The following ZNF181 variants were observed in gnomAD, a reference collection of about 807,000 sequenced individuals.
The protein encoded by ZNF181 is zinc finger protein 181.
Under a neutral mutation model 11.9 loss-of-function variants are expected in ZNF181, and 8 were observed. The ratio of observed to expected loss-of-function variants is 0.67; its 90% CI spans 0.39 to 1.21. The LOEUF (loss-of-function observed/expected upper bound fraction) is 1.21. Among genes scored for constraint, ZNF181 ranks in the 50% most tolerant of loss-of-function variants. ZNF181 has a pLI of 0.01. For synonymous variants in ZNF181, 202 were observed against 221.1 expected, an observed-to-expected ratio of 0.91 and a Z score of 0.77; for missense variants, 542 against 670.9, an observed-to-expected ratio of 0.81 and a Z score of 2.12.
Position 34,741,159 on chromosome 19 carries a change from A to C in ZNF181, c.778A>C (p.Thr260Pro), listed in dbSNP as rs1307469762. 1 of 1,614,012 alleles carries C rather than the reference A, an allele frequency of 6.2e-7. No individual in the cohort carries two copies. Among genetic ancestry groups the C allele is most frequent in the East Asian group, 2.2e-5 (1 of 44,894 alleles). ...CCTCAATCGCCACTGGAGAATTCAT[A>C]CAGGAGAGAAGCCCTATGAATGTCG... is the stretch of plus-strand genomic sequence containing the variant. ...SILNRHWRIH[T>P]GEKPYECREC... The change falls in exon 4 of 4, where the codon ACA (threonine) becomes CCA (proline). Residue 260 changes from threonine to proline, a missense_variant. Thr to Pro is a conservative substitution (Grantham distance 38). Coordinates refer to ENST00000492450, the MANE Select transcript of ZNF181 (RefSeq NM_001029997.4).
chr19:34,742,945 A>C lies in ZNF181; in HGVS notation c.*848A>C, dbSNP rs1285926177. On this transcript the variant is annotated 3_prime_UTR_variant, in exon 4 of 4. Coordinates refer to ENST00000492450, the MANE Select transcript of ZNF181 (RefSeq NM_001029997.4). ...GCCTTAGCGTAGCCTTTAGTGGGAG[A>C]CTAGCAAACCTAGAGAAAAATGACC... 6.6e-6 allele frequency: 1 copy of C among 152,224 alleles called. No individual in the cohort carries two copies. Among genetic ancestry groups the C allele is most frequent in the Non-Finnish European group, 1.5e-5 (1 of 68,042 alleles). The allele number at this position is 152,224 out of a possible 1,614,324, so 9.4% of individuals were successfully genotyped here.
At chr19:34,737,858 A>T (rs568873751) in intron 1 of ZNF181, among the ~76,000 whole-genome samples, 3 of 152,180 alleles carry the variant, frequency 2.0e-5, no homozygotes, top group Non-Finnish European at 4.4e-5. Context: ...CGCTCCTATG[A>T]GAGTCTAATG....
At chr19:34,739,917 A>G (rs572918015) in intron 3 of ZNF181, among the ~76,000 whole-genome samples, 2 of 152,312 alleles carry the variant, frequency 1.3e-5, no homozygotes, top group East Asian at 1.9e-4. Flanking sequence ...TCTTAAATCT[A>G]CTTAAAGAAA....
At position 34,743,107 on chromosome 19, in the gene ZNF181, A is replaced by T. The variant is rs1044095660; in HGVS notation, c.*1010A>T. On this transcript the variant is annotated 3_prime_UTR_variant, in exon 4 of 4. Transcript: ENST00000492450. Reference sequence around the variant, plus strand: ...TATTACACAGCGATGGGATATAGGAATCCAGTAGTTCTGAGCTTTAGTGGT... The same window carrying T: ...TATTACACAGCGATGGGATATAGGATTCCAGTAGTTCTGAGCTTTAGTGGT... 5.3e-5 allele frequency: 8 copies of T among 152,202 alleles called. No individual in the cohort carries two copies. The highest frequency in any genetic ancestry group is 1.9e-4 in the African/African-American group (8 of 41,456). The allele number at this position is 152,202 out of a possible 1,614,324, so 9.4% of individuals were successfully genotyped here.
At chr19:34,739,011 T>G in intron 1 of ZNF181, 137 bp from the exon 2 acceptor site, 1 of 1,287,108 alleles carries the variant, frequency 7.8e-7, no homozygotes, top group Non-Finnish European at 1.1e-6. Flanking sequence ...ATTACTTAAC[T>G]GAGATCACAT....
Position 34,734,819 on chromosome 19 carries a change from C to T in ZNF181, c.-219C>T. 3 of 547,764 alleles carry T rather than the reference C, an allele frequency of 5.5e-6. No homozygotes were observed. Among genetic ancestry groups the T allele is most frequent in the South Asian group, 5.4e-5 (2 of 37,328 alleles). The allele number at this position is 547,764 out of a possible 1,614,324, so 33.9% of individuals were successfully genotyped here. ...GGTGGCACCTGGTAAATGGTTAGCC[C>T]TTGCGGAGAAACACCCTGTTAGTTC... On this transcript the variant is annotated 5_prime_UTR_variant, in exon 1 of 4. Coordinates refer to ENST00000492450, the MANE Select transcript of ZNF181 (RefSeq NM_001029997.4).
intron 2 of ZNF181, 46 bp downstream of exon 2, chr19:34,739,314 T>G: frequency 6.2e-7 from 1 of 1,607,286 alleles, no homozygotes; most frequent in Non-Finnish European, 8.5e-7. Context: ...ACCTTTCTTT[T>G]GCCACCCTGA....
intron 1 of ZNF181, among the ~76,000 whole-genome samples, chr19:34,737,542 T>C (rs2068905483): frequency 1.3e-5 from 2 of 152,256 alleles, no homozygotes; most frequent in Non-Finnish European, 2.9e-5. Flanking sequence ...AGTAATATTG[T>C]GAAATGAGTA....
intron 1 of ZNF181, among the ~76,000 whole-genome samples, 180 bp downstream of exon 1, chr19:34,735,226 G>A (rs1482216791): frequency 2.6e-5 from 4 of 152,180 alleles, no homozygotes; most frequent in Non-Finnish European, 5.9e-5. Flanking sequence ...TCCTCACCCA[G>A]TGTTCCTCTT....
rs1402151189 is a variant in ZNF181, at chr19:34,742,153, A to C, written c.*56A>C. The C allele has an allele frequency of 1.3e-6, 2 of 1,487,366 alleles. No individual in the cohort carries two copies. Among genetic ancestry groups the C allele is most frequent in the East Asian group, 4.5e-5 (2 of 43,974 alleles). 92.1% of individuals were successfully genotyped at this position (1,487,366 alleles called of 1,614,324 possible). The stretch of plus-strand genomic sequence containing the variant: ...TTCTCCCTTATTTAACATTAGAAAA[A>C]TTTATACTGGGGAAAGTCTTATGAA... On this transcript the variant is annotated 3_prime_UTR_variant, in exon 4 of 4. Coordinates refer to ENST00000492450, the MANE Select transcript of ZNF181 (RefSeq NM_001029997.4).
In ZNF181 at chr19:34,739,290, C is replaced by T. The variant is rs376274173; in HGVS notation, c.130+22C>T. On this transcript the variant is annotated intron_variant, in intron 2 of 3. Transcript: ENST00000492450. ...GTAGGTAAGGATATTACCCCTTCCACTCCAGTAGGGGACACCTTTCTTTTG... is the reference window on the plus strand; with the variant it reads ...GTAGGTAAGGATATTACCCCTTCCATTCCAGTAGGGGACACCTTTCTTTTG... 330 of 1,612,598 alleles carry T rather than the reference C, an allele frequency of 2.0e-4. 1 individual carries two copies. Among genetic ancestry groups the T allele is most frequent in the South Asian group, 6.6e-5 (6 of 90,980 alleles).
rs567774593 is a variant in ZNF181, at chr19:34,741,376, G to A, written c.995G>A (p.Arg332His). Reference sequence around the variant, plus strand: ...ATGAACTGTGGAAAGTCTTTTAGTCGTGTGTCCCATCTTATTGAACATCTA... The same window carrying A: ...ATGAACTGTGGAAAGTCTTTTAGTCATGTGTCCCATCTTATTGAACATCTA... The part of the protein sequence containing the change: ...ECMNCGKSFS[R>H]VSHLIEHLRI... The change falls in exon 4 of 4, where the codon CGT becomes CAT. Residue 332 changes from arginine (R) to histidine (H), a missense_variant. By Grantham distance (29) the Arg-to-His change is conservative. Transcript: ENST00000492450. The A allele has an allele frequency of 6.2e-6, 10 of 1,613,824 alleles. No homozygotes were observed. The highest frequency in any genetic ancestry group is 3.3e-5 in the Admixed American group (2 of 59,996).
chr19:34,743,983 T>G lies in ZNF181; in HGVS notation c.*1886T>G, dbSNP rs923373584. The G allele has an allele frequency of 1.3e-5, 2 of 152,218 alleles. No individual in the cohort carries two copies. Among genetic ancestry groups the G allele is most frequent in the African/African-American group, 4.8e-5 (2 of 41,452 alleles). 9.4% of individuals were successfully genotyped at this position (152,218 alleles called of 1,614,324 possible). A position where few individuals can be genotyped will look rare whatever the true frequency, so the allele number is the denominator to read the frequency against. On this transcript the variant is annotated 3_prime_UTR_variant, in exon 4 of 4. Coordinates refer to ENST00000492450, the MANE Select transcript of ZNF181 (RefSeq NM_001029997.4). ...GAAAGGTAATGCAGATCAATTTGAT[T>G]TGGAGTGTATGGACACTGATGCAAG...
chr19:34,741,764 C>T lies in ZNF181; in HGVS notation c.1383C>T (p.Tyr461=), dbSNP rs763562421. ...GAAATCACATTAGATTGAAACCCTA[C>T]GAATGCAGTATATGTGGGAAAGCCT... ...HLRNHIRLKP[Y]ECSICGKAFS... The change falls in exon 4 of 4, where the codon TAC becomes TAT. Residue 461 remains tyrosine (Y), a synonymous_variant. Transcript: ENST00000492450. The T allele has an allele frequency of 1.5e-5, 25 of 1,613,724 alleles. No homozygotes were observed. The highest frequency in any genetic ancestry group is 9.4e-5 in the African/African-American group (7 of 74,848).
At position 34,742,640 on chromosome 19, in the gene ZNF181, C is replaced by G. The variant is rs1394045855; in HGVS notation, c.*543C>G. 6.6e-6 allele frequency: 1 copy of G among 152,186 alleles called. No homozygotes were observed. The highest frequency in any genetic ancestry group is 2.4e-5 in the African/African-American group (1 of 41,440). 9.4% of individuals were successfully genotyped at this position (152,186 alleles called of 1,614,324 possible). A position where few individuals can be genotyped will look rare whatever the true frequency, so the allele number is the denominator to read the frequency against. On this transcript the variant is annotated 3_prime_UTR_variant, in exon 4 of 4. Coordinates refer to ENST00000492450, the MANE Select transcript of ZNF181 (RefSeq NM_001029997.4). ...AGTCATGCTATTTGTAAACTGGATT[C>G]TACAGGAGAGCAAATAAACATTATA...
In ZNF181 at chr19:34,741,940, A is replaced by G. The variant is rs1243465155; in HGVS notation, c.1559A>G (p.Asn520Ser). 1.7e-5 allele frequency: 27 copies of G among 1,613,664 alleles called. No homozygotes were observed. The highest frequency in any genetic ancestry group is 2.7e-5 in the African/African-American group (2 of 74,864). Residue 520 changes from asparagine (N) to serine (S), a missense_variant, in exon 4 of 4, where the codon AAT becomes AGT. By Grantham distance (46) the Asn-to-Ser change is conservative. Coordinates refer to ENST00000492450, the MANE Select transcript of ZNF181 (RefSeq NM_001029997.4). The stretch of plus-strand genomic sequence containing the variant: ...ACTGGAGAAAAGCCATATAAATGTA[A>G]TGAGTGTGGGAAAGCTTTTAGCAAA... ...IHTGEKPYKC[N>S]ECGKAFSKGS... is the part of the protein sequence containing the mutation.
intron 3 of ZNF181, among the ~76,000 whole-genome samples, chr19:34,739,964 A>G (rs1222792560): frequency 2.6e-5 from 4 of 152,242 alleles, no homozygotes; most frequent in Admixed American, 6.5e-5. Flanking sequence ...AAAGCTGTCA[A>G]TTAGATGGGA....
rs1279495287 is a variant in ZNF181 at position 34,740,719 on chromosome 19, A to G, written c.338A>G (p.Glu113Gly). 6.2e-7 allele frequency: 1 copy of G among 1,613,324 alleles called. No individual in the cohort carries two copies. Among genetic ancestry groups the G allele is most frequent in the Non-Finnish European group, 8.5e-7 (1 of 1,179,720 alleles). The change falls in exon 4 of 4, where the codon GAA (glutamate) becomes GGA (glycine). Residue 113 changes from glutamate (E) to glycine (G), a missense_variant. Physicochemically the swap from Glu to Gly is moderately conservative, Grantham distance 98 (BLOSUM62 -2). Coordinates refer to ENST00000492450, the MANE Select transcript of ZNF181 (RefSeq NM_001029997.4). ...IIEKVVKQSY[E>G]FSNSKKNLEY... is the part of the protein sequence containing the mutation. ...GAAAAAGTTGTAAAACAAAGTTATGAATTTTCAAATTCTAAGAAGAATTTG... is the reference window on the plus strand; with the variant it reads ...GAAAAAGTTGTAAAACAAAGTTATGGATTTTCAAATTCTAAGAAGAATTTG...
Position 34,742,247 on chromosome 19 carries a change from G to T in ZNF181, c.*150G>T. On this transcript the variant is annotated 3_prime_UTR_variant, in exon 4 of 4. Coordinates refer to ENST00000492450, the MANE Select transcript of ZNF181 (RefSeq NM_001029997.4). Reference sequence around the variant, plus strand: ...TTTGTTTATTAGACTTTATACTGTAGAGAAATCATATGAAGACCATAAATG... The same window carrying T: ...TTTGTTTATTAGACTTTATACTGTATAGAAATCATATGAAGACCATAAATG... 1.5e-6 allele frequency: 1 copy of T among 687,712 alleles called. No homozygotes were observed. Among genetic ancestry groups the T allele is most frequent in the Non-Finnish European group, 2.3e-6 (1 of 435,052 alleles). 42.6% of individuals were successfully genotyped at this position (687,712 alleles called of 1,614,324 possible).
Sources: allele counts gnomAD v4.1 joint callset (sites outside exome capture counted in the v4.1 genomes callset), GRCh38; gene constraint gnomAD v4.1.1; transcripts MANE v1.5; gene names NCBI Gene and HGNC (gene_info 2026-07-23, HGNC 2026-07-21).